FLG2: variants seen among roughly 807,000 people sequenced by gnomAD.
FLG2 encodes the protein filaggrin-2.
A neutral mutation model predicts 3.9 loss-of-function variants in FLG2; 7 were observed. The observed-to-expected ratio is 1.79, with a 90% CI of 1.02 to 3.36. FLG2 has a LOEUF of 3.36. Ranked by LOEUF, FLG2 falls within the 30% of genes most tolerant of loss-of-function variation. The probability of loss-of-function intolerance (pLI) is 0.00; values close to 1 mark genes in which losing one functional copy is unlikely to be tolerated. For synonymous variants in FLG2, 1,031 were observed against 1,056.1 expected (o/e 0.98, Z 0.46); for missense variants, 2,700 against 2,809.4 (o/e 0.96, Z 0.88).
rs1050823116 is a variant in FLG2 at position 152,357,154 on chromosome 1, G to T, written c.632C>A (p.Ser211Ter). Residue 211 changes from serine (S) to a stop codon, truncating the protein, a stop_gained, in exon 3 of 3, where the codon TCA (serine) becomes TAA (stop). Transcript: ENST00000388718. LOFTEE classifies it low-confidence loss of function (END_TRUNC). ...SVELRERINK[S>*]HISPSRESGE... ...AGATTCCCTAGAAGGGCTAATGTGT[G>T]ACTTGTTTATTCTTTCTCTCAGTTC... The T allele has an allele frequency of 6.2e-7, 1 of 1,614,010 alleles. No individual in the cohort carries two copies. Among genetic ancestry groups the T allele is most frequent in the Admixed American group, 1.7e-5 (1 of 59,998 alleles).
rs534165664 is a variant in FLG2 at position 152,348,942 on chromosome 1, C to T, written c.*1668G>A. 1 of 152,052 alleles carries T rather than the reference C, an allele frequency of 6.6e-6. No homozygotes were observed. The highest frequency in any genetic ancestry group is 2.4e-5 in the African/African-American group (1 of 41,392). The allele number at this position is 152,052 out of a possible 1,614,324, so 9.4% of individuals were successfully genotyped here. A position where few individuals can be genotyped will look rare whatever the true frequency, so the allele number is the denominator to read the frequency against. On this transcript the variant is annotated 3_prime_UTR_variant, in exon 3 of 3. Coordinates refer to ENST00000388718, the MANE Select transcript of FLG2 (RefSeq NM_001014342.3). ...GGATGTGTTATAATGTTTCTAGAGA[C>T]GTTTTGGCTCCTAAACCACGTCATT...
Position 152,350,971 on chromosome 1 carries a change from G to A in FLG2, c.6815C>T (p.Ser2272Leu), listed in dbSNP as rs554543735. 15 of 1,613,948 alleles carry A rather than the reference G, an allele frequency of 9.3e-6. No homozygotes were observed. The South Asian group carries it at 1.6e-4, about 18-fold the overall frequency. Reference protein sequence around the residue: ...EVHSWGSHTHSGHIQGQAGSQ... With the variant: ...EVHSWGSHTHLGHIQGQAGSQ... ...TCCAGCTTGGCCCTGAATGTGTCCT[G>A]AATGTGTGTGTGAGCCCCATGAGTG... Residue 2272 changes from serine (S) to leucine (L), a missense_variant, in exon 3 of 3, where the codon TCA becomes TTA. Coordinates refer to ENST00000388718, the MANE Select transcript of FLG2 (RefSeq NM_001014342.3).
chr1:152,356,831 A>C lies in FLG2; in HGVS notation c.955T>G (p.Ser319Ala). 6.2e-7 allele frequency: 1 copy of C among 1,614,150 alleles called. No individual in the cohort carries two copies. Among genetic ancestry groups the C allele is most frequent in the Non-Finnish European group, 8.5e-7 (1 of 1,180,024 alleles). Residue 319 changes from serine to alanine, a missense_variant, in exon 3 of 3, where the codon TCA (serine) becomes GCA (alanine). Physicochemically the swap from Ser to Ala is moderately conservative, Grantham distance 99 (BLOSUM62 1). Transcript: ENST00000388718. The part of the protein sequence containing the change: ...QFSYIQSGCQ[S>A]GIKGGQGHGC... ...TGGCCTTGTCCTCCCTTAATTCCTG[A>C]CTGACAGCCTGACTGAATATAGCTA...
Position 152,351,103 on chromosome 1 carries a change from T to C in FLG2, c.6683A>G (p.Asp2228Gly), listed in dbSNP as rs12736623. 6.2e-7 allele frequency: 1 copy of C among 1,613,934 alleles called. No homozygotes were observed. Among genetic ancestry groups the C allele is most frequent in the Non-Finnish European group, 8.5e-7 (1 of 1,179,998 alleles). ...ACCATAGTGGGCATGTCTAGTGGTA[T>C]CTCCTGTCTGTCCATGAGTAGTTCC... ...RQGTTHGQTG[D>G]TTRHAHYGYG... The change falls in exon 3 of 3, where the codon GAT becomes GGT. Residue 2228 changes from aspartate to glycine, a missense_variant. Transcript: ENST00000388718.
Position 152,350,736 on chromosome 1 carries a change from T to C in FLG2, c.7050A>G (p.Gly2350=), listed in dbSNP as rs777046165. ...TGTGCCCATAGTCATATTCTGCAGGTCCATAGCTGCCATGTTTCCAAACCT... is the reference window on the plus strand; with the variant it reads ...TGTGCCCATAGTCATATTCTGCAGGCCCATAGCTGCCATGTTTCCAAACCT... ...SSQVWKHGSY[G]PAEYDYGHTG... Residue 2350 remains glycine (G), a synonymous_variant, in exon 3 of 3, where the codon GGA becomes GGG. Transcript: ENST00000388718. 1 of 1,614,102 alleles carries C rather than the reference T, an allele frequency of 6.2e-7. No individual in the cohort carries two copies. The highest frequency in any genetic ancestry group is 8.5e-7 in the Non-Finnish European group (1 of 1,180,044).
rs150834303 is a variant in FLG2, at chr1:152,352,036, T to A, written c.5750A>T (p.Lys1917Met). 1 of 1,613,678 alleles carries A rather than the reference T, an allele frequency of 6.2e-7. No individual in the cohort carries two copies. The highest frequency in any genetic ancestry group is 8.5e-7 in the Non-Finnish European group (1 of 1,179,940). Reference sequence around the variant, plus strand: ...CTGTCCATGAGTAGTTTGGTGTCTCTTGTGAACTGTGGATTCTGACTCTCC... The same window carrying A: ...CTGTCCATGAGTAGTTTGGTGTCTCATGTGAACTGTGGATTCTGACTCTCC... Reference protein sequence around the residue: ...QHGESESTVHKRHQTTHGQTG... With the variant: ...QHGESESTVHMRHQTTHGQTG... The change falls in exon 3 of 3, where the codon AAG becomes ATG. Residue 1917 changes from lysine (K) to methionine (M), a missense_variant. Coordinates refer to ENST00000388718, the MANE Select transcript of FLG2 (RefSeq NM_001014342.3).
In FLG2 at chr1:152,358,919, A is replaced by G. The variant is rs1237672599; in HGVS notation, c.-22-13T>C. On this transcript the variant is annotated splice_polypyrimidine_tract_variant and intron_variant, in intron 1 of 2. Coordinates refer to ENST00000388718, the MANE Select transcript of FLG2 (RefSeq NM_001014342.3). ...AGTTTAAGTGAACCTGGACACAGAA[A>G]AACAAAGAACCCTATTATTCATATT... 1 of 1,592,778 alleles carries G rather than the reference A, an allele frequency of 6.3e-7. No homozygotes were observed. The highest frequency in any genetic ancestry group is 8.5e-7 in the Non-Finnish European group (1 of 1,172,950).
chr1:152,355,510 C>T lies in FLG2; in HGVS notation c.2276G>A (p.Gly759Glu), dbSNP rs1486366356. ...CTGACCTGATCTAGACTCATGTTGT[C>T]CAAAGCCAGAGGATTGTCCTGAGCC... The part of the protein sequence containing the change: ...GSGSGQSSGF[G>E]QHESRSGQSS... The change falls in exon 3 of 3, where the codon GGA becomes GAA. Residue 759 changes from glycine (G) to glutamate (E), a missense_variant. Physicochemically the swap from Gly to Glu is moderately conservative, Grantham distance 98. Transcript: ENST00000388718. 6.8e-6 allele frequency: 11 copies of T among 1,613,202 alleles called. No individual in the cohort carries two copies. The highest frequency in any genetic ancestry group is 8.5e-6 in the Non-Finnish European group (10 of 1,179,880).
Position 152,352,801 on chromosome 1 carries a change from T to C in FLG2, c.4985A>G (p.His1662Arg), listed in dbSNP as rs756606921. 6.2e-7 allele frequency: 1 copy of C among 1,613,930 alleles called. No homozygotes were observed. Among genetic ancestry groups the C allele is most frequent in the South Asian group, 1.1e-5 (1 of 91,074 alleles). Residue 1662 changes from histidine (H) to arginine (R), a missense_variant, in exon 3 of 3, where the codon CAC becomes CGC. Physicochemically the swap from His to Arg is conservative, Grantham distance 29. Coordinates refer to ENST00000388718, the MANE Select transcript of FLG2 (RefSeq NM_001014342.3). ...TGTATGTGTGTGTGAGACCCCTGAG[T>C]GCACTTCACTGTCACTGGACTCACT... ...SHSESSDSEV[H>R]SGVSHTHTGH...
intron 1 of FLG2, 86 bp downstream of exon 1, chr1:152,359,870 G>A (rs1654384283): frequency 6.6e-6 from 1 of 152,172 alleles, no homozygotes; most frequent in Non-Finnish European, 1.5e-5. Context: ...AAATATACAT[G>A]AACTCTGCCT....
Position 152,350,599 on chromosome 1 carries a change from GA to G in FLG2, c.*10del, listed in dbSNP as rs1365969239. The G allele has an allele frequency of 6.2e-7, 1 of 1,606,214 alleles. No homozygotes were observed. ...TTTGGATACTATAAGGTCAGAACTA[GA>G]AAATAACTGTCAATGTCTAGACAGT... On this transcript the variant is annotated 3_prime_UTR_variant, in exon 3 of 3. Transcript: ENST00000388718.
chr1:152,353,404 A>T lies in FLG2; in HGVS notation c.4382T>A (p.Val1461Asp). The T allele has an allele frequency of 1.2e-6, 2 of 1,609,170 alleles. No homozygotes were observed. Among genetic ancestry groups the T allele is most frequent in the African/African-American group, 1.4e-5 (1 of 72,976 alleles). Reference sequence around the variant, plus strand: ...ATGAGTAGTTCCGTGTCTCCCATGAACTGTGGATCCTGACTCTCCATGTTG... The same window carrying T: ...ATGAGTAGTTCCGTGTCTCCCATGATCTGTGGATCCTGACTCTCCATGTTG... ...GSQHGESGST[V>D]HGRHGTTHGQ... is the part of the protein sequence containing the mutation. Residue 1461 changes from valine to aspartate, a missense_variant, in exon 3 of 3, where the codon GTT becomes GAT. Transcript: ENST00000388718.
At position 152,353,388 on chromosome 1, in the gene FLG2, T is replaced by C. The variant is rs1654045221; in HGVS notation, c.4398A>G (p.Gly1466=). 1 of 1,613,218 alleles carries C rather than the reference T, an allele frequency of 6.2e-7. No individual in the cohort carries two copies. The highest frequency in any genetic ancestry group is 1.3e-5 in the African/African-American group (1 of 74,586). Residue 1466 remains glycine, a synonymous_variant, in exon 3 of 3, where the codon GGA becomes GGG. Transcript: ENST00000388718. ...TATCTCCTGTCTGTCCATGAGTAGT[T>C]CCGTGTCTCCCATGAACTGTGGATC... is the stretch of plus-strand genomic sequence containing the variant. The part of the protein sequence containing the change: ...ESGSTVHGRH[G]TTHGQTGDTT...
rs1654186851 is a variant in FLG2, at chr1:152,355,624, TG to T, written c.2161del (p.Gln721AsnfsTer4). On this transcript the variant is annotated frameshift_variant, in exon 3 of 3. Coordinates refer to ENST00000388718, the MANE Select transcript of FLG2 (RefSeq NM_001014342.3). LOFTEE classifies it low-confidence loss of function (END_TRUNC). ...SSSGQTSGFG[Q>X]HELSSGQSSS... ...AGACTGACCTGAGCTTAACTCGTGT[TG>T]TCCAAATCCAGATGTCTGTCCTGAA... 28 of 1,613,434 alleles carry T rather than the reference TG, an allele frequency of 1.7e-5. No individual in the cohort carries two copies. The highest frequency in any genetic ancestry group is 2.2e-5 in the Non-Finnish European group (26 of 1,179,932).
At chr1:152,357,698 C>G (rs773710319) in intron 2 of FLG2, 51 bp from the exon 3 acceptor site, 2 of 1,281,934 alleles carry the variant, frequency 1.6e-6, no homozygotes, top group South Asian at 2.7e-5. Context: ...AACCTGCATA[C>G]TCAACTAACA....
rs758892635 is a variant in FLG2 at position 152,353,594 on chromosome 1, C to T, written c.4192G>A (p.Ala1398Thr). The T allele has an allele frequency of 8.7e-6, 14 of 1,607,438 alleles. No individual in the cohort carries two copies. In the Middle Eastern group the frequency reaches 9.9e-4, roughly 114 times the overall value. Residue 1398 changes from alanine (A) to threonine (T), a missense_variant, in exon 3 of 3, where the codon GCC becomes ACC. Transcript: ENST00000388718. ...TGACCAGAGTGGCCATGTCCAGTGG[C>T]CTCTCCTGTCTGTCCATAAGTAGTT... ...HETTYGQTGEATGHGHSGHGQ... is the reference protein window; with the variant it reads ...HETTYGQTGETTGHGHSGHGQ...
chr1:152,353,768 A>G lies in FLG2; in HGVS notation c.4018T>C (p.Ser1340Pro), dbSNP rs267598036. ...CTGTGGCTAAATCTCTGTCTTCCAG[A>G]TGTTCTGGAACCTGTCTGTGTAGAC... ...GQSTQTGSRT[S>P]GRQRFSHSDA... Residue 1340 changes from serine (S) to proline (P), a missense_variant, in exon 3 of 3, where the codon TCT (serine) becomes CCT (proline). By Grantham distance (74) the Ser-to-Pro change is moderately conservative. Transcript: ENST00000388718. 1 of 1,611,600 alleles carries G rather than the reference A, an allele frequency of 6.2e-7. No homozygotes were observed. Among genetic ancestry groups the G allele is most frequent in the Non-Finnish European group, 8.5e-7 (1 of 1,179,272 alleles).
In FLG2 at chr1:152,350,772, A is replaced by G; in HGVS notation, c.7014T>C (p.His2338=). The G allele has an allele frequency of 1.2e-6, 2 of 1,614,178 alleles. No homozygotes were observed. Among genetic ancestry groups the G allele is most frequent in the Non-Finnish European group, 1.7e-6 (2 of 1,180,034 alleles). Residue 2338 remains histidine, a synonymous_variant, in exon 3 of 3, where the codon CAT becomes CAC. Coordinates refer to ENST00000388718, the MANE Select transcript of FLG2 (RefSeq NM_001014342.3). ...FQSHSSERQR[H]GSSQVWKHGS... ...CATGTTTCCAAACCTGACTTGATCC[A>G]TGCCTTTGCCTTTCACTACTATGTG...
Position 152,352,805 on chromosome 1 carries a change from C to A in FLG2, c.4981G>T (p.Val1661Leu). The change falls in exon 3 of 3, where the codon GTG becomes TTG. Residue 1661 changes from valine (V) to leucine (L), a missense_variant. By Grantham distance (32) the Val-to-Leu change is conservative. Coordinates refer to ENST00000388718, the MANE Select transcript of FLG2 (RefSeq NM_001014342.3). ...TGTGTGTGTGAGACCCCTGAGTGCACTTCACTGTCACTGGACTCACTGTGG... is the reference window on the plus strand; with the variant it reads ...TGTGTGTGTGAGACCCCTGAGTGCAATTCACTGTCACTGGACTCACTGTGG... ...SSHSESSDSE[V>L]HSGVSHTHTG... The A allele has an allele frequency of 1.2e-6, 2 of 1,613,972 alleles. No individual in the cohort carries two copies. The highest frequency in any genetic ancestry group is 1.7e-6 in the Non-Finnish European group (2 of 1,179,996).
Sources: gnomAD v4.1 joint callset for allele counts on GRCh38, gnomAD v4.1.1 for gene constraint, MANE v1.5 for transcripts, NCBI Gene and HGNC (gene_info 2026-07-23, HGNC 2026-07-21) for gene names.